CAPN14: variants seen among roughly 807,000 people sequenced by gnomAD.
The protein encoded by CAPN14 is calpain-14.
In CAPN14, 94 loss-of-function variants were observed where a neutral mutation model predicts 101.3. The ratio of observed to expected loss-of-function variants is 0.93; its 90% CI spans 0.79 to 1.10. The LOEUF is 1.10. Ranked by LOEUF, CAPN14 falls within the 50% of genes least tolerant of loss-of-function variation. The pLI, the probability that CAPN14 is intolerant of heterozygous loss-of-function variation, is 0.00. For missense variants in CAPN14, 837 were observed against 828.4 expected (o/e 1.01, Z -0.13); for synonymous variants, 338 against 317.9 (o/e 1.06, Z -0.67).
Position 31,192,866 on chromosome 2 carries a change from A to C in CAPN14, c.1114+265T>G, listed in dbSNP as rs186391826. On this transcript the variant is annotated intron_variant, in intron 10 of 21. Coordinates refer to ENST00000403897, the MANE Select transcript of CAPN14 (RefSeq NM_001145122.2). ...TGTGTGCCTGTGACCCCCGGTGCTG[A>C]CTGCGACAGGGCAACCCTCTGGGAA... 1.6e-4 allele frequency among the ~76,000 whole-genome samples: 25 copies of C among 152,114 alleles called. No individual in the cohort carries two copies. In the East Asian group the frequency reaches 4.3e-3, roughly 26 times the overall value.
intron 18 of CAPN14, 26 bp downstream of exon 18, chr2:31,178,485 G>C: frequency 6.6e-7 from 1 of 1,526,616 alleles, no homozygotes. Flanking sequence ...ATCTTCCAAA[G>C]AGGTGTGGTT....
rs116042097 is a variant in CAPN14 at position 31,201,813 on chromosome 2, G to A, written c.551+49C>T. ...CCACTCCCCTCCCTCAACATTGAGA[G>A]AGAGAAAAAGAAGCGATGGGAAGGG... On this transcript the variant is annotated intron_variant, in intron 5 of 21. Transcript: ENST00000403897. The A allele has an allele frequency of 1.8e-3, 2,780 of 1,542,650 alleles. 57 individuals carry two copies. The African/African-American group carries it at 0.034, about 19-fold the overall frequency.
chr2:31,186,670 G>A (rs1045903136), intron 15 of CAPN14, among the ~76,000 whole-genome samples, 185 bp from the exon 16 acceptor site: 12 of 152,150 alleles, frequency 7.9e-5, no homozygotes, highest in Non-Finnish European at 1.0e-4. Flanking sequence ...AGTGATTCTC[G>A]AAGGTGCTAT....
chr2:31,186,424 T>G lies in CAPN14; in HGVS notation c.1645+4A>C. 1 of 1,547,928 alleles carries G rather than the reference T, an allele frequency of 6.5e-7. No individual in the cohort carries two copies. On this transcript the variant is annotated splice_donor_region_variant and intron_variant, in intron 16 of 21. Coordinates refer to ENST00000403897, the MANE Select transcript of CAPN14 (RefSeq NM_001145122.2). ...GTCCTACAGAATGGCTCTAAAACAC[T>G]TACTTGACCAGGTCATCTGGTTCAG...
intron 21 of CAPN14, among the ~76,000 whole-genome samples, chr2:31,175,465 G>T (rs1680242963): frequency 1.3e-5 from 2 of 152,176 alleles, no homozygotes; most frequent in Admixed American, 1.3e-4. Context: ...ATAGCTCTTT[G>T]CCCACTGGAC....
At chr2:31,196,674 T>C (rs1041318682) in intron 8 of CAPN14, among the ~76,000 whole-genome samples, 11 of 152,338 alleles carry the variant, frequency 7.2e-5, no homozygotes, top group Non-Finnish European at 1.3e-4. Flanking sequence ...AGCCAGTGTC[T>C]AGCCTGCAAA....
intron 2 of CAPN14, among the ~76,000 whole-genome samples, chr2:31,203,946 T>C (rs1030704148): frequency 1.3e-5 from 2 of 152,206 alleles, no homozygotes; most frequent in African/African-American, 4.8e-5. Flanking sequence ...TTTAAAGGAA[T>C]TGATGCATTT....
At chr2:31,220,093 C>T (rs1031777067), upstream of CAPN14, among the ~76,000 whole-genome samples, 2 of 152,172 alleles carry the variant, frequency 1.3e-5, no homozygotes, top group Admixed American at 6.5e-5. Context: ...TGAATAGCTT[C>T]CAAGTCCTTA....
intron 9 of CAPN14, among the ~76,000 whole-genome samples, chr2:31,193,784 A>G (rs1681331949): frequency 6.6e-6 from 1 of 152,232 alleles, no homozygotes; most frequent in African/African-American, 2.4e-5. Flanking sequence ...AGGAATTTGC[A>G]GAGCTTGAGT....
At chr2:31,191,349 C>T in intron 12 of CAPN14, 50 bp downstream of exon 12, 1 of 1,527,754 alleles carries the variant, frequency 6.5e-7, no homozygotes, top group Non-Finnish European at 8.8e-7. Context: ...GGCTTGGCCA[C>T]ATGTGATGTC....
At chr2:31,221,253 A>C (rs1047930328), upstream of CAPN14, among the ~76,000 whole-genome samples, 5 of 152,268 alleles carry the variant, frequency 3.3e-5, no homozygotes, top group Admixed American at 3.3e-4. Flanking sequence ...ACATTTATTC[A>C]TAACAAATAA....
At chr2:31,224,490 G>C (rs1682962102) in intron 2 of CAPN14, among the ~76,000 whole-genome samples, 1 of 152,022 alleles carries the variant, frequency 6.6e-6, no homozygotes, top group Non-Finnish European at 1.5e-5. Context: ...CAGGTACCAG[G>C]ATATCATTGA....
chr2:31,180,562 A>T (rs1680542008), intron 17 of CAPN14, among the ~76,000 whole-genome samples: 2 of 152,126 alleles, frequency 1.3e-5, no homozygotes, highest in Admixed American at 1.3e-4. Context: ...TAGGGCCCCA[A>T]GGCTTTTGTA....
upstream of CAPN14, among the ~76,000 whole-genome samples, chr2:31,222,084 A>G (rs1315498588): frequency 2.0e-5 from 3 of 152,230 alleles, no homozygotes; most frequent in Admixed American, 2.0e-4. Flanking sequence ...TGTACAGAAA[A>G]TAACACACTT....
intron 21 of CAPN14, among the ~76,000 whole-genome samples, chr2:31,174,948 A>AT (rs1046486152): frequency 5.3e-5 from 8 of 152,104 alleles, no homozygotes; most frequent in African/African-American, 1.4e-4. Context: ...TTCTCAATGA[A>AT]TTTTTTTCCC....
intron 18 of CAPN14, among the ~76,000 whole-genome samples, 180 bp from the exon 19 acceptor site, chr2:31,178,001 T>C (rs1373216): frequency 0.32 from 48,007 of 152,130 alleles, 8,956 homozygotes; most frequent in African/African-American, 0.51. Context: ...TACCGCCTCA[T>C]GTTTCCTACA....
At chr2:31,219,585 G>A (rs561848468), upstream of CAPN14, among the ~76,000 whole-genome samples, 1 of 152,300 alleles carries the variant, frequency 6.6e-6, no homozygotes, top group Admixed American at 6.5e-5. Context: ...GCTTTGATGG[G>A]CTTCACAAGC....
At chr2:31,210,018 G>A (rs1391709485) in intron 1 of CAPN14, among the ~76,000 whole-genome samples, 1 of 152,218 alleles carries the variant, frequency 6.6e-6, no homozygotes, top group Non-Finnish European at 1.5e-5. Context: ...AGAGTCCATA[G>A]CCACAGGTGA....
intron 17 of CAPN14, among the ~76,000 whole-genome samples, 197 bp downstream of exon 17, chr2:31,180,739 C>T (rs572295701): frequency 5.9e-5 from 9 of 152,326 alleles, no homozygotes; most frequent in East Asian, 1.9e-4. Context: ...TGCATTCCCA[C>T]GTTAATCCTA....
Sources: gnomAD v4.1 joint callset for allele counts (sites outside exome capture counted in the v4.1 genomes callset) on GRCh38, gnomAD v4.1.1 for gene constraint, MANE v1.5 for transcripts, NCBI Gene and HGNC (gene_info 2026-07-23, HGNC 2026-07-21) for gene names.